The following ALKBH1 variants were observed in gnomAD, a reference collection of about 807,000 sequenced individuals.
ALKBH1 encodes the protein alkB homolog 1, histone H2A dioxygenase.
Under a neutral mutation model 36.6 loss-of-function variants are expected in ALKBH1, and 31 were observed. The observed-to-expected ratio is 0.85, with a 90% confidence interval of 0.64 to 1.14. The LOEUF is 1.14. ALKBH1 is among the 50% of genes most tolerant of loss of function. ALKBH1 has a pLI of 0.00. For synonymous variants in ALKBH1, 183 were observed against 186.6 expected (o/e 0.98, Z 0.16); for missense variants, 490 against 497.3 (o/e 0.99, Z 0.14).
chr14:77,704,571 CA>C, intron 1 of ALKBH1, 94 bp from the exon 2 acceptor site: 1 of 905,144 alleles, frequency 1.1e-6, no homozygotes, highest in Non-Finnish European at 1.8e-6. Flanking sequence ...TTGTATGAGG[CA>C]AAGCTAGGAT....
chr14:77,685,432 G>A (rs941169743), intron 3 of ALKBH1, among the ~76,000 whole-genome samples: 14 of 25,774 alleles, frequency 5.4e-4, no homozygotes, highest in Admixed American at 3.4e-3. Flanking sequence ...GTGAGACTCC[G>A]TCTTAAAAAA....
chr14:77,702,672 C>T (rs2080365812), intron 2 of ALKBH1, among the ~76,000 whole-genome samples: 1 of 152,012 alleles, frequency 6.6e-6, no homozygotes, highest in Non-Finnish European at 1.5e-5. Flanking sequence ...GTAAAAGCAG[C>T]TACCTAACAT....
chr14:77,703,593 CTT>C (rs200488919), intron 2 of ALKBH1, among the ~76,000 whole-genome samples: 4 of 112,872 alleles, frequency 3.5e-5, no homozygotes, highest in Non-Finnish European at 1.7e-5. Context: ...CTGCGTCCAG[CTT>C]TTTTTTTTTT....
chr14:77,707,278 T>TGA (rs956006299), intron 1 of ALKBH1, among the ~76,000 whole-genome samples: 1 of 152,168 alleles, frequency 6.6e-6, no homozygotes, highest in African/African-American at 2.4e-5. Flanking sequence ...GGGGAAAAGC[T>TGA]GAGAGAGAGA....
In ALKBH1 at chr14:77,705,060, TTG is replaced by T. The variant is rs547085857; in HGVS notation, c.184-585_184-584del. ...GCTAACAGTAATGCTTTTGAGACAC[TTG>T]TATAGAGTTGGTATTTAAACAGAGC... On this transcript the variant is annotated intron_variant, in intron 1 of 5. Coordinates refer to ENST00000216489, the MANE Select transcript of ALKBH1 (RefSeq NM_006020.3). Among the ~76,000 whole-genome samples the T allele has an allele frequency of 3.9e-5, 6 of 152,276 alleles. No homozygotes were observed. The South Asian group carries it at 1.2e-3, about 32-fold the overall frequency.
At chr14:77,687,500 CT>C (rs1475234731) in intron 3 of ALKBH1, among the ~76,000 whole-genome samples, 4 of 151,840 alleles carry the variant, frequency 2.6e-5, no homozygotes, top group African/African-American at 7.3e-5. Flanking sequence ...CTTCTACCCC[CT>C]ATCTTTCCTT....
At chr14:77,674,550 GT>G (rs34972341) in intron 5 of ALKBH1, among the ~76,000 whole-genome samples, 56,338 of 150,314 alleles carry the variant, frequency 0.37, 11,321 homozygotes, top group East Asian at 0.51. Flanking sequence ...TTTATTGATG[GT>G]TTTTTTTTTA....
chr14:77,691,498 T>C (rs970033112), intron 3 of ALKBH1, among the ~76,000 whole-genome samples: 11 of 152,196 alleles, frequency 7.2e-5, no homozygotes, highest in African/African-American at 1.9e-4. Context: ...TGACTGCCCA[T>C]GATTCAATTA....
At chr14:77,680,000 A>G in intron 3 of ALKBH1, 30 bp from the exon 4 acceptor site, 1 of 1,574,728 alleles carries the variant, frequency 6.4e-7, no homozygotes, top group Non-Finnish European at 8.7e-7. Context: ...AAGAGGAATT[A>G]TTCATGTAAA....
In ALKBH1 at chr14:77,688,916, A is replaced by G. The variant is rs1258865580; in HGVS notation, c.455+5822T>C. On this transcript the variant is annotated intron_variant, in intron 3 of 5. Coordinates refer to ENST00000216489, the MANE Select transcript of ALKBH1 (RefSeq NM_006020.3). The stretch of plus-strand genomic sequence containing the variant: ...TGCTTTTTGCAACCACTGCATTTTC[A>G]GTCAATTTCCTCCACTACCAGAGTT... 3.3e-5 allele frequency among the ~76,000 whole-genome samples: 5 copies of G among 151,544 alleles called. No homozygotes were observed. The South Asian group carries it at 1.0e-3, about 31-fold the overall frequency.
chr14:77,698,720 A>C (rs1192022257), intron 2 of ALKBH1, among the ~76,000 whole-genome samples: 1 of 152,214 alleles, frequency 6.6e-6, no homozygotes, highest in Non-Finnish European at 1.5e-5. Context: ...TTTTCTGTCA[A>C]GAACTAGATA....
chr14:77,685,310 G>C (rs1431675434), intron 3 of ALKBH1, among the ~76,000 whole-genome samples: 1 of 152,114 alleles, frequency 6.6e-6, no homozygotes, highest in Non-Finnish European at 1.5e-5. Context: ...AGGCATGGTG[G>C]TGGGTGCCTG....
chr14:77,698,609 A>G (rs2080341860), intron 2 of ALKBH1, among the ~76,000 whole-genome samples: 1 of 152,210 alleles, frequency 6.6e-6, no homozygotes, highest in African/African-American at 2.4e-5. Context: ...GAACAGACTA[A>G]AGCTTAAGGA....
Position 77,683,483 on chromosome 14 carries a change from T to C in ALKBH1, c.456-3513A>G. The C allele has an allele frequency of 7.0e-6, 5 of 712,140 alleles. No individual in the cohort carries two copies. The South Asian group carries it at 7.0e-5, about 10-fold the overall frequency. 44.1% of individuals were successfully genotyped at this position (712,140 alleles called of 1,614,324 possible). On this transcript the variant is annotated intron_variant, in intron 3 of 5. Transcript: ENST00000216489. ...ATGCTAACAGCATGCTGGGGAACAC[T>C]GTAGACTCTTCCAGTTTTGCCATGG...
At chr14:77,706,732 G>A (rs1435982247) in intron 1 of ALKBH1, among the ~76,000 whole-genome samples, 2 of 152,162 alleles carry the variant, frequency 1.3e-5, no homozygotes, top group Non-Finnish European at 1.5e-5. Context: ...AAGCGCTCTG[G>A]AGAGAAAAAG....
At chr14:77,682,333 TTAG>T (rs1437077462) in intron 3 of ALKBH1, among the ~76,000 whole-genome samples, 1 of 152,222 alleles carries the variant, frequency 6.6e-6, no homozygotes, top group Non-Finnish European at 1.5e-5. Flanking sequence ...ATGTTCTATT[TTAG>T]TAGCCTGAGA....
chr14:77,676,407 C>G (rs1595046605), intron 4 of ALKBH1, among the ~76,000 whole-genome samples: 1 of 152,108 alleles, frequency 6.6e-6, no homozygotes, highest in East Asian at 1.9e-4. Context: ...AATTACTCCA[C>G]CACCCTCTAG....
chr14:77,707,684 G>A, intron 1 of ALKBH1, 138 bp downstream of exon 1: 2 of 962,768 alleles, frequency 2.1e-6, no homozygotes, highest in Non-Finnish European at 2.9e-6. Context: ...TGGGGAGTTC[G>A]ACTCTGCAGC....
intron 1 of ALKBH1, among the ~76,000 whole-genome samples, chr14:77,705,408 T>C (rs2080383095): frequency 1.7e-5 from 1 of 57,488 alleles, no homozygotes; most frequent in African/African-American, 7.0e-5. Flanking sequence ...AGACTCCGTC[T>C]AAGAAAAAAA....
Sources: gnomAD v4.1 joint callset for allele counts (sites outside exome capture counted in the v4.1 genomes callset) on GRCh38, gnomAD v4.1.1 for gene constraint, MANE v1.5 for transcripts, NCBI Gene and HGNC (gene_info 2026-07-23, HGNC 2026-07-21) for gene names.